Variants in GRM7 observed in about 807,000 individuals in gnomAD.
GRM7 encodes metabotropic glutamate receptor 7.
In GRM7, 35 loss-of-function variants were observed where a neutral mutation model predicts 84.5. The ratio of observed to expected loss-of-function variants is 0.41; its 90% CI spans 0.32 to 0.55. The LOEUF is 0.55. GRM7 is among the 20% of genes least tolerant of loss of function. The probability of loss-of-function intolerance (pLI) is 0.19; values close to 1 mark genes in which losing one functional copy is unlikely to be tolerated. For synonymous variants in GRM7, 487 were observed against 455.1 expected (o/e 1.07, Z -0.89); for missense variants, 1,003 against 1,194.6 (o/e 0.84, Z 2.36).
intron 2 of GRM7, among the ~76,000 whole-genome samples, chr3:7,264,437 G>A (rs1334329786): frequency 2.0e-5 from 3 of 152,212 alleles, no homozygotes; most frequent in Non-Finnish European, 2.9e-5. Context: ...GTCTCCTCCT[G>A]CCAGGATTCC....
At chr3:7,041,981 A>G (rs972188619) in intron 1 of GRM7, among the ~76,000 whole-genome samples, 1 of 152,228 alleles carries the variant, frequency 6.6e-6, no homozygotes, top group Non-Finnish European at 1.5e-5. Context: ...TCAGAGAGCT[A>G]TCAGATAGCT....
chr3:7,176,699 G>GT lies in GRM7; in HGVS notation c.736+30032dup, dbSNP rs1161733309. On this transcript the variant is annotated intron_variant, in intron 2 of 9. Coordinates refer to ENST00000357716, the MANE Select transcript of GRM7 (RefSeq NM_000844.4). ...GCTTTTTCATTCATGTCTCTTCCTT[G>GT]TCTCTTAGAACTCTTGTTGGCCAAG... Among the ~76,000 whole-genome samples, 66 of 152,016 alleles carry GT rather than the reference G, an allele frequency of 4.3e-4. 1 individual carries two copies. Among genetic ancestry groups the GT allele is most frequent in the Non-Finnish European group, 1.2e-4 (8 of 68,016 alleles).
At chr3:7,507,315 T>G (rs1700068670) in intron 7 of GRM7, among the ~76,000 whole-genome samples, 1 of 152,136 alleles carries the variant, frequency 6.6e-6, no homozygotes, top group Non-Finnish European at 1.5e-5. Context: ...ACACAGCTAC[T>G]GGGACAAGCA....
chr3:7,133,892 A>G (rs567214944), intron 1 of GRM7, among the ~76,000 whole-genome samples: 141 of 152,250 alleles, frequency 9.3e-4, no homozygotes, highest in African/African-American at 3.2e-3. Flanking sequence ...TTTCTGGGAT[A>G]CCACGTTGGG....
At chr3:7,295,177 T>G (rs562585423) in intron 2 of GRM7, among the ~76,000 whole-genome samples, 1 of 152,330 alleles carries the variant, frequency 6.6e-6, no homozygotes, top group South Asian at 2.1e-4. Context: ...AGAGTTAATT[T>G]CTATATAAGG....
chr3:6,927,327 C>G (rs1022824269), intron 1 of GRM7, among the ~76,000 whole-genome samples: 3 of 151,954 alleles, frequency 2.0e-5, no homozygotes, highest in African/African-American at 4.8e-5. Context: ...ATTCGGGAGG[C>G]TGAGGCAGGA....
intron 7 of GRM7, among the ~76,000 whole-genome samples, chr3:7,549,902 T>C (rs948243735): frequency 6.6e-6 from 1 of 152,340 alleles, no homozygotes; most frequent in South Asian, 2.1e-4. Context: ...AACCAGAAGG[T>C]ATAGAAAGCT....
chr3:7,570,697 G>A (rs1285128032), intron 7 of GRM7, among the ~76,000 whole-genome samples: 2 of 152,180 alleles, frequency 1.3e-5, no homozygotes. Context: ...CTACCATTCT[G>A]GGGTCTGAAG....
intron 1 of GRM7, among the ~76,000 whole-genome samples, chr3:6,904,053 C>T (rs941209165): frequency 3.3e-5 from 5 of 151,998 alleles, no homozygotes; most frequent in Non-Finnish European, 7.4e-5. Context: ...ATATCGTCTA[C>T]GTGTCACTTC....
In GRM7 at chr3:7,149,635, T is replaced by G. The variant is rs192171577; in HGVS notation, c.736+2967T>G. Among the ~76,000 whole-genome samples, 135 of 152,216 alleles carry G rather than the reference T, an allele frequency of 8.9e-4. 1 individual carries two copies. Among genetic ancestry groups the G allele is most frequent in the Admixed American group, 2.2e-3 (33 of 15,292 alleles). Reference sequence around the variant, plus strand: ...GCACAAAAATAAATAAGCACACTGGTTATGCTGTCAGAAAGACCTGGATTT... The same window carrying G: ...GCACAAAAATAAATAAGCACACTGGGTATGCTGTCAGAAAGACCTGGATTT... On this transcript the variant is annotated intron_variant, in intron 2 of 9. Transcript: ENST00000357716.
intron 2 of GRM7, among the ~76,000 whole-genome samples, chr3:7,237,231 T>C (rs559147537): frequency 6.6e-6 from 1 of 152,318 alleles, no homozygotes; most frequent in East Asian, 1.9e-4. Flanking sequence ...TTCTGTTACC[T>C]CTATCCTTTC....
intron 1 of GRM7, among the ~76,000 whole-genome samples, chr3:7,139,744 T>A (rs942717167): frequency 6.6e-6 from 1 of 151,980 alleles, no homozygotes; most frequent in Non-Finnish European, 1.5e-5. Context: ...AAAAACTCCT[T>A]GATATTGGCC....
At chr3:7,000,421 A>T in intron 1 of GRM7, among the ~76,000 whole-genome samples, 1 of 152,256 alleles carries the variant, frequency 6.6e-6, no homozygotes, top group South Asian at 2.1e-4. Flanking sequence ...TCCTGACTTC[A>T]GGTGATCCAC....
At chr3:7,220,448 C>T (rs747345027) in intron 2 of GRM7, among the ~76,000 whole-genome samples, 22 of 152,232 alleles carry the variant, frequency 1.4e-4, no homozygotes, top group Middle Eastern at 3.4e-3. Flanking sequence ...GAGGGACGTT[C>T]TCCAAAATAC....
At chr3:7,028,131 A>G (rs1401928309) in intron 1 of GRM7, among the ~76,000 whole-genome samples, 1 of 152,170 alleles carries the variant, frequency 6.6e-6, no homozygotes, top group Non-Finnish European at 1.5e-5. Flanking sequence ...CTTTTTCACC[A>G]GTTTCCCAGT....
At chr3:7,477,432 A>G (rs1407136965) in intron 7 of GRM7, among the ~76,000 whole-genome samples, 2 of 152,136 alleles carry the variant, frequency 1.3e-5, no homozygotes, top group African/African-American at 4.8e-5. Flanking sequence ...TAGCTCTTCA[A>G]CCCTGACGCA....
At chr3:7,561,762 T>G (rs898125084) in intron 7 of GRM7, among the ~76,000 whole-genome samples, 1 of 152,170 alleles carries the variant, frequency 6.6e-6, no homozygotes, top group African/African-American at 2.4e-5. Context: ...CTCTTAGCTT[T>G]GTGGACTTAT....
At chr3:7,443,011 A>C in intron 5 of GRM7, among the ~76,000 whole-genome samples, 1 of 137,180 alleles carries the variant, frequency 7.3e-6, no homozygotes, top group African/African-American at 2.7e-5. Context: ...CTTCTTTTTT[A>C]TTTTCCTCAT....
chr3:7,414,401 G>C (rs966773037), intron 4 of GRM7, among the ~76,000 whole-genome samples: 1 of 152,036 alleles, frequency 6.6e-6, no homozygotes, highest in Admixed American at 6.6e-5. Context: ...TTTGGGATTT[G>C]AGCCTAGGCC....
Sources: allele counts gnomAD v4.1 joint callset (sites outside exome capture counted in the v4.1 genomes callset), GRCh38; gene constraint gnomAD v4.1.1; transcripts MANE v1.5; gene names NCBI Gene and HGNC (gene_info 2026-07-23, HGNC 2026-07-21).